The following KSR2 variants were observed in gnomAD, a reference collection of about 807,000 sequenced individuals.
KSR2 encodes kinase suppressor of ras 2.
Under a neutral mutation model 107.8 loss-of-function variants are expected in KSR2, and 25 were observed. The ratio of observed to expected loss-of-function variants is 0.23; its 90% CI spans 0.17 to 0.32. The LOEUF (loss-of-function observed/expected upper bound fraction) is 0.32, where lower values mean the gene tolerates loss of function less well. Ranked by LOEUF, KSR2 falls within the 10% of genes least tolerant of loss-of-function variation. KSR2 has a pLI of 1.00. For missense variants in KSR2, 887 were observed against 1,268.9 expected, an observed-to-expected ratio of 0.70 and a Z score of 4.57; for synonymous variants, 480 against 507.0, an observed-to-expected ratio of 0.95 and a Z score of 0.71.
chr12:117,501,015 G>A (rs1479104872), intron 14 of KSR2, among the ~76,000 whole-genome samples: 1 of 152,234 alleles, frequency 6.6e-6, no homozygotes, highest in Non-Finnish European at 1.5e-5. Context: ...CTTCTGAGGT[G>A]GGAGTTGCAA....
chr12:117,564,349 T>C (rs1878321279), intron 7 of KSR2, among the ~76,000 whole-genome samples: 1 of 152,210 alleles, frequency 6.6e-6, no homozygotes, highest in Non-Finnish European at 1.5e-5. Context: ...AGGTCTGCCC[T>C]TCCTGGCAGG....
At chr12:117,478,589 C>T (rs546203295) in intron 16 of KSR2, among the ~76,000 whole-genome samples, 46 of 151,964 alleles carry the variant, frequency 3.0e-4, no homozygotes, top group African/African-American at 9.4e-4. Context: ...CGTGAGCAAC[C>T]GCACCCTGCT....
chr12:117,546,281 A>T (rs1876859551), intron 9 of KSR2, among the ~76,000 whole-genome samples: 1 of 152,192 alleles, frequency 6.6e-6, no homozygotes, highest in Non-Finnish European at 1.5e-5. Context: ...ACTTGAAAAA[A>T]TGCTGTGCCA....
At chr12:117,630,425 G>A (rs78376984) in intron 5 of KSR2, among the ~76,000 whole-genome samples, 16,004 of 152,116 alleles carry the variant, frequency 0.11, 1,995 homozygotes, top group African/African-American at 0.3. Flanking sequence ...AGGAAGAGGG[G>A]TTGGAAGGTT....
intron 5 of KSR2, among the ~76,000 whole-genome samples, chr12:117,592,965 C>A (rs978675854): frequency 6.6e-6 from 1 of 152,202 alleles, no homozygotes; most frequent in Non-Finnish European, 1.5e-5. Context: ...TCTTCCCTTT[C>A]CTGGCCCCAC....
chr12:117,766,849 G>C (rs1360219934), intron 3 of KSR2, among the ~76,000 whole-genome samples: 1 of 144,926 alleles, frequency 6.9e-6, no homozygotes, highest in East Asian at 2.3e-4. Context: ...AGAACTGCCA[G>C]TCGTTCAGTA....
At chr12:117,857,831 T>G (rs1225664566) in intron 2 of KSR2, among the ~76,000 whole-genome samples, 1 of 152,258 alleles carries the variant, frequency 6.6e-6, no homozygotes, top group African/African-American at 2.4e-5. Flanking sequence ...TGGAGCTTTC[T>G]CCATACTTCA....
chr12:117,482,443 A>T (rs755802123), intron 16 of KSR2, among the ~76,000 whole-genome samples: 5 of 152,218 alleles, frequency 3.3e-5, no homozygotes, highest in Non-Finnish European at 7.3e-5. Flanking sequence ...GGATAAAAGC[A>T]CAAGAAGTCA....
intron 1 of KSR2, among the ~76,000 whole-genome samples, chr12:117,883,875 CAAAAAAAAAA>C (rs34939587): frequency 1.6e-4 from 15 of 93,840 alleles, no homozygotes; most frequent in South Asian, 1.3e-3. Flanking sequence ...GTCTCCATCT[CAAAAAAAAAA>C]AAAAAAAAAG....
chr12:117,549,347 C>T (rs1877118077), intron 9 of KSR2, among the ~76,000 whole-genome samples: 1 of 152,092 alleles, frequency 6.6e-6, no homozygotes, highest in Admixed American at 6.5e-5. Context: ...GGCATCTATC[C>T]ACCCTCCCAA....
chr12:117,941,693 C>T (rs1465558674), intron 1 of KSR2, among the ~76,000 whole-genome samples: 5 of 114,944 alleles, frequency 4.3e-5, no homozygotes, highest in African/African-American at 1.7e-4. Flanking sequence ...GTGGCACGAT[C>T]TTGGCTTACT....
chr12:117,777,002 C>G (rs879163518), intron 3 of KSR2, among the ~76,000 whole-genome samples: 1 of 150,938 alleles, frequency 6.6e-6, no homozygotes, highest in Admixed American at 6.6e-5. Flanking sequence ...CTGCGAGCCT[C>G]TGGTCATCTT....
Position 117,897,223 on chromosome 12 carries a change from C to T in KSR2, c.181-36792G>A, listed in dbSNP as rs1233074133. On this transcript the variant is annotated intron_variant, in intron 1 of 19. Transcript: ENST00000339824. This position sits in a 1 kb window ranked among gnomAD's most constrained non-coding sequence, Gnocchi z 4.5. Reference sequence around the variant, plus strand: ...TGCCAGTTTCAGGCCATATTATGCACATCAGAAATGATCTGGAGGGGGCAA... The same window carrying T: ...TGCCAGTTTCAGGCCATATTATGCATATCAGAAATGATCTGGAGGGGGCAA... Among the ~76,000 whole-genome samples the T allele has an allele frequency of 1.3e-5, 2 of 152,190 alleles. No individual in the cohort carries two copies.
rs1301815819 is a variant in KSR2 at position 117,916,875 on chromosome 12, T to C, written c.180+51201A>G. ...ACTAGAATGAACTGGTTTTGCAAAA[T>C]AGATCGTATTTAATGTTTGCAAATC... On this transcript the variant is annotated intron_variant, in intron 1 of 19. Transcript: ENST00000339824. Among the ~76,000 whole-genome samples, 4 of 152,358 alleles carry C rather than the reference T, an allele frequency of 2.6e-5. No homozygotes were observed. The South Asian group carries it at 6.2e-4, about 24-fold the overall frequency.
chr12:117,508,729 G>T (rs886285812), intron 14 of KSR2, among the ~76,000 whole-genome samples: 2 of 152,042 alleles, frequency 1.3e-5, no homozygotes, highest in Non-Finnish European at 2.9e-5. Flanking sequence ...GAGAGGGTGG[G>T]TGCATGGGTA....
At chr12:117,759,935 C>G (rs761605533) in intron 4 of KSR2, among the ~76,000 whole-genome samples, 3 of 152,162 alleles carry the variant, frequency 2.0e-5, no homozygotes, top group Non-Finnish European at 2.9e-5. Flanking sequence ...TGGTGAAACC[C>G]TATCTCTACA....
At chr12:117,715,748 T>C (rs1886955261) in intron 4 of KSR2, among the ~76,000 whole-genome samples, 1 of 152,180 alleles carries the variant, frequency 6.6e-6, no homozygotes, top group African/African-American at 2.4e-5. Flanking sequence ...CTTCTGCCTG[T>C]CCATAACTCT....
chr12:117,688,809 G>A (rs941139995), intron 4 of KSR2, among the ~76,000 whole-genome samples: 4 of 152,262 alleles, frequency 2.6e-5, no homozygotes, highest in Non-Finnish European at 4.4e-5. Context: ...TTTGGAGGAC[G>A]ACTCAGATTC....
intron 4 of KSR2, among the ~76,000 whole-genome samples, chr12:117,692,505 T>TACACAC (rs374072306): frequency 3.8e-5 from 4 of 104,792 alleles, no homozygotes; most frequent in South Asian, 7.0e-4. Flanking sequence ...TATATATATA[T>TACACAC]ACACACACAC....
Sources: gnomAD v4.1 joint callset for allele counts (sites outside exome capture counted in the v4.1 genomes callset) on GRCh38, gnomAD v4.1.1 for gene constraint, Gnocchi (gnomAD v3.1) non-coding constraint, MANE v1.5 for transcripts, NCBI Gene and HGNC (gene_info 2026-07-23, HGNC 2026-07-21) for gene names.